The following EYS variants were observed in gnomAD, a reference collection of about 807,000 sequenced individuals.
The protein encoded by EYS is EGF-like photoreceptor maintenance factor.
A neutral mutation model predicts 282.1 loss-of-function variants in EYS; 250 were observed. That is an observed-to-expected ratio of 0.89 (90% CI 0.80 to 0.98). The LOEUF is 0.98. Ranked by LOEUF, EYS falls within the 50% of genes least tolerant of loss-of-function variation. EYS has a pLI of 0.00. For missense variants in EYS, 4,016 were observed against 3,709.0 expected, an observed-to-expected ratio of 1.08 and a Z score of -2.15; for synonymous variants, 1,355 against 1,282.9, an observed-to-expected ratio of 1.06 and a Z score of -1.20.
chr6:64,988,442 CTG>C (rs1770940631), intron 14 of EYS, among the ~76,000 whole-genome samples: 1 of 151,548 alleles, frequency 6.6e-6, no homozygotes, highest in South Asian at 2.1e-4. Flanking sequence ...AGTATAGACT[CTG>C]TGAGTTTCTT....
intron 35 of EYS, among the ~76,000 whole-genome samples, chr6:63,963,068 T>A (rs373198153): frequency 7.0e-6 from 1 of 142,482 alleles, no homozygotes; most frequent in Non-Finnish European, 1.5e-5. Flanking sequence ...ATGAGAACAC[T>A]TGGACACAGG....
At chr6:65,232,222 C>A (rs1266071550) in intron 12 of EYS, among the ~76,000 whole-genome samples, 2 of 151,866 alleles carry the variant, frequency 1.3e-5, no homozygotes, top group Admixed American at 1.3e-4. Flanking sequence ...GTGGAGCTAC[C>A]AGAACTGTGG....
At chr6:63,730,600 C>T (rs1768758919) in intron 41 of EYS, among the ~76,000 whole-genome samples, 1 of 152,214 alleles carries the variant, frequency 6.6e-6, no homozygotes, top group Non-Finnish European at 1.5e-5. Flanking sequence ...TACTTTTCCT[C>T]CTTTTCTTTA....
chr6:65,130,559 C>A (rs1179828549), intron 12 of EYS, among the ~76,000 whole-genome samples: 2 of 151,688 alleles, frequency 1.3e-5, no homozygotes, highest in Non-Finnish European at 1.5e-5. Context: ...AACAGAAAAC[C>A]AAATACTGCA....
chr6:64,649,920 C>T (rs1188091235), intron 22 of EYS, among the ~76,000 whole-genome samples: 1 of 152,052 alleles, frequency 6.6e-6, no homozygotes, highest in Non-Finnish European at 1.5e-5. Flanking sequence ...GTACCATGGA[C>T]TACTCACAGA....
chr6:64,933,850 G>A (rs1412330848), intron 15 of EYS, among the ~76,000 whole-genome samples: 1 of 151,966 alleles, frequency 6.6e-6, no homozygotes, highest in Non-Finnish European at 1.5e-5. Context: ...GATGAAAATG[G>A]AAACCATCAT....
intron 30 of EYS, among the ~76,000 whole-genome samples, chr6:64,235,828 TCAA>T (rs1176800241): frequency 6.6e-6 from 1 of 152,148 alleles, no homozygotes; most frequent in South Asian, 2.1e-4. Context: ...GTGGCAATAA[TCAA>T]TAGCTTACCA....
chr6:65,470,358 T>G (rs1328984993), intron 5 of EYS, among the ~76,000 whole-genome samples: 2 of 152,124 alleles, frequency 1.3e-5, no homozygotes, highest in African/African-American at 4.8e-5. Context: ...TAAAATACAA[T>G]GAACACATTG....
At chr6:64,005,037 C>G (rs1768278636) in intron 33 of EYS, among the ~76,000 whole-genome samples, 3 of 152,140 alleles carry the variant, frequency 2.0e-5, no homozygotes, top group African/African-American at 7.2e-5. Flanking sequence ...GGGAAATTGC[C>G]AAACTTCTTT....
At position 65,419,695 on chromosome 6, in the gene EYS, A is replaced by T. The variant is rs375233353; in HGVS notation, c.863-14328T>A. ...ATCCAAAATAAAATTATCATAACAC[A>T]TTATCAATATAAAACATTATTAACA... is the stretch of plus-strand genomic sequence containing the variant. On this transcript the variant is annotated intron_variant, in intron 5 of 42. Coordinates refer to ENST00000503581, the MANE Select transcript of EYS (RefSeq NM_001142800.2). Among the ~76,000 whole-genome samples, 37 of 152,066 alleles carry T rather than the reference A, an allele frequency of 2.4e-4. 2 individuals are homozygous for T. The highest frequency in any genetic ancestry group is 2.3e-3 in the East Asian group (12 of 5,180).
intron 22 of EYS, among the ~76,000 whole-genome samples, chr6:64,699,812 C>T (rs879444934): frequency 1.3e-5 from 2 of 151,934 alleles, no homozygotes; most frequent in Non-Finnish European, 2.9e-5. Context: ...TCAAGAAATT[C>T]GAAGAGAAGG....
At chr6:63,940,655 A>C (rs181543279) in intron 35 of EYS, among the ~76,000 whole-genome samples, 6 of 151,968 alleles carry the variant, frequency 3.9e-5, no homozygotes, top group Admixed American at 3.9e-4. Flanking sequence ...AGGAGAAAGG[A>C]TATCTGCCTG....
chr6:64,902,285 T>A, intron 17 of EYS, 65 bp from the exon 18 acceptor site: 1 of 1,359,180 alleles, frequency 7.4e-7, no homozygotes, highest in East Asian at 2.5e-5. Flanking sequence ...TTCAACTAAT[T>A]GTAGCATGGC....
Position 64,269,909 on chromosome 6 carries a change from A to G in EYS, c.6191+37061T>C, listed in dbSNP as rs1767885290. The stretch of plus-strand genomic sequence containing the variant: ...ACAAACATATTTTGACTTTGTAGTA[A>G]AAAAAAGGACAATTCCTATTTTTTA... On this transcript the variant is annotated intron_variant, in intron 30 of 42. Coordinates refer to ENST00000503581, the MANE Select transcript of EYS (RefSeq NM_001142800.2). 1.3e-5 allele frequency among the ~76,000 whole-genome samples: 2 copies of G among 151,968 alleles called. 1 individual carries two copies. The highest frequency in any genetic ancestry group is 4.1e-4 in the South Asian group (2 of 4,826).
chr6:65,435,923 G>A (rs181905864), intron 5 of EYS, among the ~76,000 whole-genome samples: 68 of 152,130 alleles, frequency 4.5e-4, no homozygotes, highest in African/African-American at 1.6e-3. Flanking sequence ...AAAACAGAGA[G>A]GCCTATGAAG....
At chr6:64,208,126 G>A (rs1279846683) in intron 31 of EYS, among the ~76,000 whole-genome samples, 1 of 152,188 alleles carries the variant, frequency 6.6e-6, no homozygotes, top group African/African-American at 2.4e-5. Flanking sequence ...ATCTTGTGAT[G>A]TGAAGGATGG....
intron 22 of EYS, among the ~76,000 whole-genome samples, chr6:64,764,773 T>C (rs1773270365): frequency 6.6e-6 from 1 of 152,176 alleles, no homozygotes; most frequent in Non-Finnish European, 1.5e-5. Flanking sequence ...AGTTTTGCAC[T>C]TGTCATCCTG....
intron 12 of EYS, among the ~76,000 whole-genome samples, chr6:65,232,681 T>A (rs987207963): frequency 2.0e-5 from 3 of 152,086 alleles, no homozygotes; most frequent in African/African-American, 7.2e-5. Flanking sequence ...TTGATTTAGC[T>A]TCTGTTTTTA....
At chr6:65,119,972 T>C (rs1253265086) in intron 12 of EYS, among the ~76,000 whole-genome samples, 1 of 150,632 alleles carries the variant, frequency 6.6e-6, no homozygotes, top group East Asian at 2.0e-4. Context: ...CTACCCCCCC[T>C]CCCCGTCTCT....
Sources: gnomAD v4.1 joint callset for allele counts (sites outside exome capture counted in the v4.1 genomes callset) on GRCh38, gnomAD v4.1.1 for gene constraint, MANE v1.5 for transcripts, NCBI Gene and HGNC (gene_info 2026-07-23, HGNC 2026-07-21) for gene names.